The following PRDM11 variants were observed in gnomAD, a reference collection of about 807,000 sequenced individuals.
The protein encoded by PRDM11 is PR/SET domain 11.
Under a neutral mutation model 97.8 loss-of-function variants are expected in PRDM11, and 20 were observed. The observed-to-expected ratio is 0.20, with a 90% CI of 0.14 to 0.30. PRDM11 has a LOEUF of 0.30. PRDM11 is among the 10% of genes least tolerant of loss of function. The pLI, the probability that PRDM11 is intolerant of heterozygous loss-of-function variation, is 1.00. For missense variants in PRDM11, 1,139 were observed against 1,555.2 expected, an observed-to-expected ratio of 0.73 and a Z score of 4.50; for synonymous variants, 599 against 637.7, an observed-to-expected ratio of 0.94 and a Z score of 0.91.
At chr11:45,164,369 C>T (rs1041708327) in intron 1 of PRDM11, among the ~76,000 whole-genome samples, 1 of 152,264 alleles carries the variant, frequency 6.6e-6, no homozygotes, top group Non-Finnish European at 1.5e-5. Flanking sequence ...GCTGTCAGTG[C>T]GGGCCTCCCC....
intron 1 of PRDM11, among the ~76,000 whole-genome samples, chr11:45,154,181 C>A (rs1851731497): frequency 6.6e-6 from 1 of 151,870 alleles, no homozygotes; most frequent in Non-Finnish European, 1.5e-5. Flanking sequence ...ATAGTGAGAC[C>A]CTGTATTTAC....
At chr11:45,218,244 T>G (rs1854014058) in intron 5 of PRDM11, among the ~76,000 whole-genome samples, 1 of 152,200 alleles carries the variant, frequency 6.6e-6, no homozygotes, top group South Asian at 2.1e-4. Flanking sequence ...CATCCATAAC[T>G]TATGTTTCTT....
At chr11:45,150,529 G>A (rs1851634474) in intron 1 of PRDM11, among the ~76,000 whole-genome samples, 1 of 152,218 alleles carries the variant, frequency 6.6e-6, no homozygotes, top group Non-Finnish European at 1.5e-5. Context: ...TCCCTGAGCT[G>A]CGGGCTGGTG....
chr11:45,154,292 G>A (rs889589012), intron 1 of PRDM11, among the ~76,000 whole-genome samples: 15 of 152,150 alleles, frequency 9.9e-5, no homozygotes, highest in Admixed American at 9.8e-4. Flanking sequence ...GGAGATCGAG[G>A]CTGTGATGAG....
In PRDM11 at chr11:45,231,732, A is replaced by G. The variant is rs1184429471; in HGVS notation, c.*3573A>G. ...AAGAAAAAATCCACTGCCATCTAGT[A>G]TCTGTGAAACATGAGGACAGCGCAG... On this transcript the variant is annotated 3_prime_UTR_variant, in exon 8 of 8. Coordinates refer to ENST00000683152, the MANE Select transcript of PRDM11 (RefSeq NM_001384648.1). The G allele has an allele frequency of 6.6e-6, 1 of 151,700 alleles. No individual in the cohort carries two copies. Among genetic ancestry groups the G allele is most frequent in the East Asian group, 1.9e-4 (1 of 5,194 alleles). The allele number at this position is 151,700 out of a possible 1,614,324, so 9.4% of individuals were successfully genotyped here. A position where few individuals can be genotyped will look rare whatever the true frequency, so the allele number is the denominator to read the frequency against.
intron 1 of PRDM11, among the ~76,000 whole-genome samples, chr11:45,139,998 A>C (rs956802559): frequency 6.6e-6 from 1 of 152,184 alleles, no homozygotes; most frequent in East Asian, 1.9e-4. Context: ...AGGTTTGTCA[A>C]CCTTTTATTT....
chr11:45,205,253 T>C (rs1853467193), intron 5 of PRDM11, among the ~76,000 whole-genome samples: 3 of 152,190 alleles, frequency 2.0e-5, no homozygotes, highest in Admixed American at 1.3e-4. Context: ...TTTGAGTACT[T>C]TGAAGTGTCA....
chr11:45,192,529 A>G (rs1852951126), intron 4 of PRDM11, among the ~76,000 whole-genome samples: 1 of 152,192 alleles, frequency 6.6e-6, no homozygotes, highest in Non-Finnish European at 1.5e-5. Flanking sequence ...CCAAGTCTGT[A>G]CATCTATTGT....
At chr11:45,217,608 T>C (rs1853995510) in intron 5 of PRDM11, among the ~76,000 whole-genome samples, 1 of 152,216 alleles carries the variant, frequency 6.6e-6, no homozygotes, top group African/African-American at 2.4e-5. Context: ...TTCTGAGGTC[T>C]TGCAGCATCC....
Position 45,096,551 on chromosome 11 carries a change from A to G in PRDM11, c.96+650A>G, listed in dbSNP as rs139047104. On this transcript the variant is annotated intron_variant, in intron 1 of 6. Coordinates refer to the PRDM11 transcript ENST00000530656. ...GCTCAGGTGCCTTGAATCAAGCCCA[A>G]TGGGTTTTCATTATTCTGGCCAGGC... 5.4e-3 allele frequency among the ~76,000 whole-genome samples: 827 copies of G among 152,198 alleles called. 6 individuals carry two copies. The highest frequency in any genetic ancestry group is 0.019 in the African/African-American group (781 of 41,514).
chr11:45,200,249 A>G (rs1035500376), intron 4 of PRDM11, among the ~76,000 whole-genome samples: 9 of 152,192 alleles, frequency 5.9e-5, no homozygotes, highest in African/African-American at 1.4e-4. Context: ...GGCGGTTCCT[A>G]TGTCCTTCAC....
At chr11:45,172,288 C>T (rs1019608312) in intron 1 of PRDM11, among the ~76,000 whole-genome samples, 24 of 152,190 alleles carry the variant, frequency 1.6e-4, no homozygotes, top group African/African-American at 5.3e-4. Flanking sequence ...TTTTCTAAAT[C>T]TCCTTCAAGA....
chr11:45,191,200 G>T (rs1328219007), intron 4 of PRDM11, among the ~76,000 whole-genome samples: 1 of 152,078 alleles, frequency 6.6e-6, no homozygotes, highest in East Asian at 1.9e-4. Context: ...CCACAGTTTA[G>T]ATTTGTCTGA....
At chr11:45,214,175 G>A in intron 5 of PRDM11, 1 of 188,716 alleles carries the variant, frequency 5.3e-6, no homozygotes, top group Non-Finnish European at 1.1e-5. Context: ...GCTTGCTCGG[G>A]CTGCCTACGC....
At chr11:45,109,161 C>G (rs960378854) in intron 1 of PRDM11, among the ~76,000 whole-genome samples, 11 of 152,198 alleles carry the variant, frequency 7.2e-5, no homozygotes, top group Non-Finnish European at 1.3e-4. Context: ...CTTAGGCACC[C>G]TCTTTGGGTC....
At chr11:45,156,770 G>A (rs1280887119) in intron 1 of PRDM11, among the ~76,000 whole-genome samples, 1 of 152,218 alleles carries the variant, frequency 6.6e-6, no homozygotes, top group Non-Finnish European at 1.5e-5. Flanking sequence ...CGCCCTGGAG[G>A]TGGAGAGGGA....
chr11:45,158,523 G>A (rs1407166046), intron 1 of PRDM11, among the ~76,000 whole-genome samples: 1 of 152,232 alleles, frequency 6.6e-6, no homozygotes, highest in Non-Finnish European at 1.5e-5. Context: ...GGGCCAGGAA[G>A]GCAGGAGTTG....
chr11:45,095,801 G>A (rs187944096), upstream of PRDM11: 24 of 759,008 alleles, frequency 3.2e-5, no homozygotes, highest in East Asian at 5.6e-4. Flanking sequence ...ACAAGGTAGG[G>A]TTCAATGTTG....
In PRDM11 at chr11:45,120,417, G is replaced by C. The variant is rs1261465019; in HGVS notation, c.96+24516G>C. 3.3e-5 allele frequency among the ~76,000 whole-genome samples: 5 copies of C among 152,072 alleles called. No homozygotes were observed. The East Asian group carries it at 9.6e-4, about 29-fold the overall frequency. On this transcript the variant is annotated intron_variant, in intron 1 of 6. Coordinates refer to the PRDM11 transcript ENST00000530656. ...AGATACAATGTAAAACCACATGCAG[G>C]CTCATAATAAACTGCTGAAAGACAA...
Sources: gnomAD v4.1 joint callset for allele counts (sites outside exome capture counted in the v4.1 genomes callset) on GRCh38, gnomAD v4.1.1 for gene constraint, MANE v1.5 for transcripts, NCBI Gene and HGNC (gene_info 2026-07-23, HGNC 2026-07-21) for gene names.